HERC1: variants seen among roughly 807,000 people sequenced by gnomAD.
HERC1 encodes the protein probable E3 ubiquitin-protein ligase HERC1.
A neutral mutation model predicts 554.3 loss-of-function variants in HERC1; 160 were observed. The ratio of observed to expected loss-of-function variants is 0.29; its 90% CI spans 0.25 to 0.33. The LOEUF is 0.33. Ranked by LOEUF, HERC1 falls within the 10% of genes least tolerant of loss-of-function variation. HERC1 has a pLI of 1.00. For synonymous variants in HERC1, 2,175 were observed against 2,131.7 expected (o/e 1.02, Z -0.56); for missense variants, 4,919 against 5,918.5 (o/e 0.83, Z 5.54).
intron 12 of HERC1, among the ~76,000 whole-genome samples, chr15:63,738,981 ATT>A (rs11344315): frequency 5.5e-4 from 81 of 148,160 alleles, no homozygotes; most frequent in African/African-American, 1.4e-3. Context: ...AAGTCAGTTT[ATT>A]TTTTTTTTTT....
chr15:63,692,963 T>C lies in HERC1; in HGVS notation c.5675-397A>G, dbSNP rs928010525. On this transcript the variant is annotated intron_variant, in intron 30 of 77. Coordinates refer to ENST00000443617, the MANE Select transcript of HERC1 (RefSeq NM_003922.4). This position sits in a 1 kb window ranked among gnomAD's most constrained non-coding sequence, Gnocchi z 4.7. Reference sequence around the variant, plus strand: ...TGGGAGGTCGAGGCGGGCGGATCACTTGAGGTCAGGAGTTCAAGATCAGCC... The same window carrying C: ...TGGGAGGTCGAGGCGGGCGGATCACCTGAGGTCAGGAGTTCAAGATCAGCC... Among the ~76,000 whole-genome samples, 170 of 152,040 alleles carry C rather than the reference T, an allele frequency of 1.1e-3. No individual in the cohort carries two copies. Among genetic ancestry groups the C allele is most frequent in the Non-Finnish European group, 2.2e-3 (151 of 67,946 alleles).
chr15:63,675,193 G>A, intron 37 of HERC1, 76 bp from the exon 38 acceptor site: 4 of 1,232,786 alleles, frequency 3.2e-6, no homozygotes, highest in African/African-American at 1.5e-5. Flanking sequence ...AAATAATGTA[G>A]ACAAAATAAG....
intron 1 of HERC1, among the ~76,000 whole-genome samples, chr15:63,825,098 C>T (rs762807082): frequency 6.6e-6 from 1 of 152,050 alleles, no homozygotes; most frequent in African/African-American, 2.4e-5. Context: ...CACTTGAGGC[C>T]GGGAGTTCGA....
chr15:63,640,133 C>G lies in HERC1; in HGVS notation c.11901+19G>C. 6.2e-7 allele frequency: 1 copy of G among 1,607,720 alleles called. No homozygotes were observed. Among genetic ancestry groups the G allele is most frequent in the Non-Finnish European group, 8.5e-7 (1 of 1,175,310 alleles). Reference sequence around the variant, plus strand: ...ATAAAATCTCAGCTGCAAATAATAGCAGCTCACAGTACATTTACCATTAGA... The same window carrying G: ...ATAAAATCTCAGCTGCAAATAATAGGAGCTCACAGTACATTTACCATTAGA... On this transcript the variant is annotated intron_variant, in intron 61 of 77. Coordinates refer to ENST00000443617, the MANE Select transcript of HERC1 (RefSeq NM_003922.4).
At chr15:63,808,439 T>TTGAGTAGCTAGG (rs966330206) in intron 1 of HERC1, among the ~76,000 whole-genome samples, 1 of 152,120 alleles carries the variant, frequency 6.6e-6, no homozygotes, top group African/African-American at 2.4e-5. Flanking sequence ...AAGCACATGC[T>TTGAGTAGCTAGG]ACCACTCAGC....
At chr15:63,741,590 C>T (rs145723838) in intron 12 of HERC1, among the ~76,000 whole-genome samples, 2 of 152,240 alleles carry the variant, frequency 1.3e-5, no homozygotes, top group East Asian at 1.9e-4. Context: ...TACAGGCGTG[C>T]GCCTGGCCCT....
chr15:63,657,968 G>A (rs1178545330), intron 48 of HERC1, among the ~76,000 whole-genome samples: 2 of 152,158 alleles, frequency 1.3e-5, no homozygotes, highest in Non-Finnish European at 2.9e-5. Context: ...GTATGGGTCA[G>A]TTTCTTAACT....
intron 19 of HERC1, among the ~76,000 whole-genome samples, chr15:63,721,066 A>G (rs1242802823): frequency 6.6e-6 from 1 of 152,172 alleles, no homozygotes; most frequent in Non-Finnish European, 1.5e-5. Context: ...CTGCAAGGTA[A>G]TAAGTGATAA....
At chr15:63,751,933 T>A (rs1432184032) in intron 8 of HERC1, among the ~76,000 whole-genome samples, 1 of 152,088 alleles carries the variant, frequency 6.6e-6, no homozygotes, top group Admixed American at 6.5e-5. Context: ...TCTTATGTGA[T>A]CACTTGTATG....
intron 24 of HERC1, among the ~76,000 whole-genome samples, chr15:63,710,991 T>C (rs996168961): frequency 3.9e-5 from 6 of 152,268 alleles, no homozygotes; most frequent in South Asian, 4.1e-4. Context: ...AGGGAAGTCA[T>C]TGCAGGACTC....
intron 1 of HERC1, among the ~76,000 whole-genome samples, chr15:63,793,804 T>A (rs907415833): frequency 1.3e-5 from 2 of 152,078 alleles, no homozygotes; most frequent in Non-Finnish European, 2.9e-5. Context: ...GTGTTAGAGA[T>A]GTGTGAACCA....
chr15:63,686,638 T>A (rs1271787967), intron 33 of HERC1, 103 bp from the exon 34 acceptor site: 13 of 924,360 alleles, frequency 1.4e-5, no homozygotes, highest in Non-Finnish European at 2.1e-5. Context: ...TTATTATGTA[T>A]CTACTATGAA....
intron 19 of HERC1, among the ~76,000 whole-genome samples, chr15:63,721,532 C>T (rs1167860926): frequency 6.6e-6 from 1 of 150,708 alleles, no homozygotes; most frequent in East Asian, 1.9e-4. Flanking sequence ...TCTCAAAAAA[C>T]AAAAAACAAA....
chr15:63,632,744 A>G lies in HERC1; in HGVS notation c.12761T>C (p.Leu4254Ser). 1 of 1,567,472 alleles carries G rather than the reference A, an allele frequency of 6.4e-7. No homozygotes were observed. The change falls in exon 68 of 78, where the codon TTG becomes TCG. Residue 4254 changes from leucine (L) to serine (S), a missense_variant. By Grantham distance (145) the Leu-to-Ser change is moderately radical. Around this residue, in one of 11 missense-constraint regions of HERC1, gnomAD observed 410 missense variants for 467.0 expected, o/e 0.88. Transcript: ENST00000443617. ...GGTATACACATGACCATCTTTGGTC[A>G]AAGCAACAGAAAACTGAGTTCCACA... ...VACGTQFSVA[L>S]TKDGHVYTFG...
At chr15:63,751,718 CTTTA>C (rs1651282894) in intron 8 of HERC1, among the ~76,000 whole-genome samples, 1 of 152,090 alleles carries the variant, frequency 6.6e-6, no homozygotes, top group Admixed American at 6.5e-5. Flanking sequence ...GTATTTCTGA[CTTTA>C]TTTTTTTCAC....
At position 63,831,387 on chromosome 15, in the gene HERC1, G is replaced by A. The variant is rs1219250209; in HGVS notation, c.-27+2440C>T. Among the ~76,000 whole-genome samples the A allele has an allele frequency of 3.3e-5, 5 of 152,156 alleles. No homozygotes were observed. The South Asian group carries it at 6.2e-4, about 19-fold the overall frequency. On this transcript the variant is annotated intron_variant, in intron 1 of 77. Coordinates refer to ENST00000443617, the MANE Select transcript of HERC1 (RefSeq NM_003922.4). Reference sequence around the variant, plus strand: ...CTCCCCAAGGGCTGAGATTACAGGCGTGAGCTACTGTAATCTGGCCAAAAG... The same window carrying A: ...CTCCCCAAGGGCTGAGATTACAGGCATGAGCTACTGTAATCTGGCCAAAAG...
At chr15:63,664,406 T>TG (rs2152941169) in intron 43 of HERC1, 64 bp downstream of exon 43, 1 of 1,472,852 alleles carries the variant, frequency 6.8e-7, no homozygotes, top group South Asian at 1.3e-5. Flanking sequence ...TTCTTTAATG[T>TG]GCCTTTACAT....
rs770802378 is a variant in HERC1, at chr15:63,675,081, C to T, written c.7107G>A (p.Leu2369=). 1.2e-6 allele frequency: 2 copies of T among 1,609,378 alleles called. No homozygotes were observed. Among genetic ancestry groups the T allele is most frequent in the Non-Finnish European group, 8.5e-7 (1 of 1,176,700 alleles). The change falls in exon 38 of 78, where the codon TTG becomes TTA. Residue 2369 remains leucine, a synonymous_variant. Transcript: ENST00000443617. ...PTFWSPSDTP[L]YNLEPCEPLP... ...ATGGTTCACAGGGTTCCAGATTATA[C>T]AATGGAGTATCACTAGGCGACCAAA...
intron 70 of HERC1, among the ~76,000 whole-genome samples, chr15:63,628,080 T>A (rs2068380515): frequency 6.6e-6 from 1 of 152,140 alleles, no homozygotes; most frequent in African/African-American, 2.4e-5. Flanking sequence ...AGCTATAATT[T>A]GTCATTTCTT....
Sources: allele counts gnomAD v4.1 joint callset (sites outside exome capture counted in the v4.1 genomes callset), GRCh38; gene constraint gnomAD v4.1.1; regional missense constraint gnomAD v4.1.1; non-coding constraint Gnocchi (gnomAD v3.1); transcripts MANE v1.5; gene names NCBI Gene and HGNC (gene_info 2026-07-23, HGNC 2026-07-21).